CEP72: variants seen among roughly 807,000 people sequenced by gnomAD.
The protein encoded by CEP72 is centrosomal protein of 72 kDa.
Under a neutral mutation model 65.7 loss-of-function variants are expected in CEP72, and 78 were observed. The ratio of observed to expected loss-of-function variants is 1.19; its 90% CI spans 0.99 to 1.43. CEP72 has a LOEUF of 1.43. Among genes scored for constraint, CEP72 ranks in the 40% most tolerant of loss-of-function variants. CEP72 has a pLI of 0.00. For missense variants in CEP72, 914 were observed against 832.9 expected (o/e 1.10, Z -1.20); for synonymous variants, 358 against 351.7 (o/e 1.02, Z -0.20).
downstream of CEP72, among the ~76,000 whole-genome samples, chr5:669,491 C>T (rs903880359): frequency 2.6e-5 from 4 of 152,092 alleles, no homozygotes; most frequent in African/African-American, 7.3e-5. Context: ...GCCCTTGGGG[C>T]CTCTGTCTGT....
chr5:667,566 C>T (rs1051221787), downstream of CEP72, among the ~76,000 whole-genome samples: 5 of 151,954 alleles, frequency 3.3e-5, no homozygotes, highest in Non-Finnish European at 7.3e-5. Context: ...ATGAACTAGA[C>T]TTCATCAAAA....
intron 4 of CEP72, among the ~76,000 whole-genome samples, chr5:625,905 A>C (rs970057985): frequency 3.9e-5 from 6 of 152,090 alleles, no homozygotes; most frequent in Non-Finnish European, 7.4e-5. Context: ...TCCCCTTCTT[A>C]GAAGGACACC....
chr5:665,420 G>A (rs540612998), intron 3 of CEP72: 2 of 843,228 alleles, frequency 2.4e-6, no homozygotes, highest in African/African-American at 3.4e-5. Flanking sequence ...CATAAACCCT[G>A]GGATTTATGC....
chr5:670,289 C>T (rs561577180), downstream of CEP72, among the ~76,000 whole-genome samples: 2 of 152,112 alleles, frequency 1.3e-5, no homozygotes, highest in Non-Finnish European at 2.9e-5. Context: ...CTCTGAGGGG[C>T]GGGGGCCGGC....
At chr5:618,715 G>T (rs1736155639) in intron 1 of CEP72, among the ~76,000 whole-genome samples, 1 of 152,156 alleles carries the variant, frequency 6.6e-6, no homozygotes, top group Admixed American at 6.5e-5. Flanking sequence ...CAGGATTATT[G>T]CGAAAGAGAG....
chr5:633,794 A>C lies in CEP72; in HGVS notation c.538A>C (p.Thr180Pro), dbSNP rs375118383. 35 of 1,614,102 alleles carry C rather than the reference A, an allele frequency of 2.2e-5. No homozygotes were observed. The African/African-American group carries it at 4.1e-4, about 19-fold the overall frequency. The stretch of plus-strand genomic sequence containing the variant: ...ACCACACCACCCCAGAGCCAAGTGC[A>C]CCGAGGCCTTGGCCAAGCAGAGCCT... ...GRPHHPRAKC[T>P]EALAKQSLVM... The change falls in exon 5 of 12, where the codon ACC (threonine) becomes CCC (proline). Residue 180 changes from threonine (T) to proline (P), a missense_variant. Physicochemically the swap from Thr to Pro is conservative, Grantham distance 38. Coordinates refer to ENST00000264935, the MANE Select transcript of CEP72 (RefSeq NM_018140.4).
rs116454952 is a variant in CEP72 at position 651,404 on chromosome 5, G to A, written c.1779-1584G>A. On this transcript the variant is annotated intron_variant, in intron 11 of 11. Transcript: ENST00000264935. The stretch of plus-strand genomic sequence containing the variant: ...ATGTGAGGTGTGGACTGAGAGTTGT[G>A]GACTGTGAGATATGACCTGTGTGCA... Among the ~76,000 whole-genome samples the A allele has an allele frequency of 8.1e-3, 1,216 of 149,734 alleles. 14 individuals are homozygous for A. The highest frequency in any genetic ancestry group is 0.013 in the Non-Finnish European group (894 of 66,278).
chr5:642,392 C>T (rs369119408), intron 9 of CEP72: 8 of 985,464 alleles, frequency 8.1e-6, no homozygotes, highest in South Asian at 4.7e-5. Flanking sequence ...TGTGGCCCCC[C>T]GTCTGGAAGC....
chr5:621,889 GC>G (rs1167192847), intron 3 of CEP72, among the ~76,000 whole-genome samples: 1 of 152,088 alleles, frequency 6.6e-6, no homozygotes, highest in Non-Finnish European at 1.5e-5. Flanking sequence ...TACTCCTGCC[GC>G]AGCCTCCCAA....
chr5:674,834 G>A, the CEP72 span, among the ~76,000 whole-genome samples: 3 of 151,722 alleles, frequency 2.0e-5, no homozygotes, highest in Non-Finnish European at 2.9e-5. Flanking sequence ...CATAAGCCCT[G>A]TGGATGATGT....
rs1476101153 is a variant in CEP72 at position 620,277 on chromosome 5, G to C, written c.403+16G>C. 1.2e-6 allele frequency: 2 copies of C among 1,606,394 alleles called. No individual in the cohort carries two copies. Among genetic ancestry groups the C allele is most frequent in the Non-Finnish European group, 1.7e-6 (2 of 1,173,478 alleles). ...CAGCAGCTGGGTAGGCATCAGGCAG[G>C]GCCACGCTCATGCTTTTGTCCCCGT... On this transcript the variant is annotated intron_variant, in intron 3 of 11. Transcript: ENST00000264935.
At chr5:641,650 C>T (rs935778595) in intron 9 of CEP72, 4 of 984,014 alleles carry the variant, frequency 4.1e-6, no homozygotes, top group Non-Finnish European at 4.8e-6. Flanking sequence ...TGTGGGCCTC[C>T]TCCATCTGGA....
chr5:620,256 A>C lies in CEP72; in HGVS notation c.398A>C (p.Gln133Pro). 4 of 1,613,018 alleles carry C rather than the reference A, an allele frequency of 2.5e-6. 1 individual carries two copies. The highest frequency in any genetic ancestry group is 3.4e-6 in the Non-Finnish European group (4 of 1,178,992). The change falls in exon 3 of 12, where the codon CAG (glutamine) becomes CCG (proline). Residue 133 changes from glutamine (Q) to proline (P), a missense_variant. Coordinates refer to ENST00000264935, the MANE Select transcript of CEP72 (RefSeq NM_018140.4). Reference sequence around the variant, plus strand: ...GTGCACCTGCTCCCCAAGCTCCAGCAGCTGGGTAGGCATCAGGCAGGGCCA... The same window carrying C: ...GTGCACCTGCTCCCCAAGCTCCAGCCGCTGGGTAGGCATCAGGCAGGGCCA... ...FVVHLLPKLQ[Q>P]LDDRPVRASE...
rs1477891219 is a variant in CEP72, at chr5:653,352, C to CT, written c.*199_*200insT. ...CGTAAAATGATATGATTACTCCAAG[C>CT]CCTCTGCATGTTTTCAGACAGAACA... On this transcript the variant is annotated 3_prime_UTR_variant, in exon 12 of 12. Coordinates refer to ENST00000264935, the MANE Select transcript of CEP72 (RefSeq NM_018140.4). 4 of 416,762 alleles carry CT rather than the reference C, an allele frequency of 9.6e-6. No homozygotes were observed. The highest frequency in any genetic ancestry group is 1.6e-5 in the Non-Finnish European group (4 of 249,272). 25.8% of individuals were successfully genotyped at this position (416,762 alleles called of 1,614,324 possible). A position where few individuals can be genotyped will look rare whatever the true frequency, so the allele number is the denominator to read the frequency against.
At chr5:628,416 ACAG>A (rs1736899683) in intron 4 of CEP72, among the ~76,000 whole-genome samples, 1 of 133,984 alleles carries the variant, frequency 7.5e-6, no homozygotes, top group African/African-American at 3.0e-5. Context: ...AACTCAGGTC[ACAG>A]GCCCCGGGGA....
In CEP72 at chr5:624,707, A is replaced by T. The variant is rs749609729; in HGVS notation, c.512+128A>T. On this transcript the variant is annotated intron_variant, in intron 4 of 11. Transcript: ENST00000264935. This position sits in a 1 kb window ranked among gnomAD's most constrained non-coding sequence, Gnocchi z 4.7. ...GCGGACACCAGGAGGGAGGAAGGGC[A>T]GAGCCTGCCTGGCGGGGACTCCGTG... is the stretch of plus-strand genomic sequence containing the variant. The T allele has an allele frequency of 8.4e-6, 6 of 710,642 alleles. No homozygotes were observed. Among genetic ancestry groups the T allele is most frequent in the East Asian group, 2.7e-5 (1 of 37,056 alleles). The allele number at this position is 710,642 out of a possible 1,614,324, so 44.0% of individuals were successfully genotyped here. A position where few individuals can be genotyped will look rare whatever the true frequency, so the allele number is the denominator to read the frequency against.
rs373343998 is a variant in CEP72 at position 615,134 on chromosome 5, C to CTTTT, written c.82+2706_82+2709dup. Among the ~76,000 whole-genome samples, 656 of 120,296 alleles carry CTTTT rather than the reference C, an allele frequency of 5.5e-3. 25 individuals carry two copies. The highest frequency in any genetic ancestry group is 0.037 in the Admixed American group (418 of 11,158). 78.9% of individuals were successfully genotyped at this position (120,296 alleles called of 152,430 possible). ...CCCTTTTAGTATATGTAGTCTTCCTCTTTTTTTTTTTTTTTTTTGAGACAG... is the reference window on the plus strand; with the variant it reads ...CCCTTTTAGTATATGTAGTCTTCCTCTTTTTTTTTTTTTTTTTTTTTTGAGACAG... On this transcript the variant is annotated intron_variant, in intron 1 of 11. Coordinates refer to ENST00000264935, the MANE Select transcript of CEP72 (RefSeq NM_018140.4).
At chr5:674,267 G>A in the CEP72 span, among the ~76,000 whole-genome samples, 15 of 152,220 alleles carry the variant, frequency 9.9e-5, no homozygotes, top group Non-Finnish European at 1.9e-4. Context: ...GCCCGAGCCT[G>A]CTGAGGAGCA....
At chr5:660,051 C>G (rs1739516379), downstream of CEP72, 1 of 152,372 alleles carries the variant, frequency 6.6e-6, no homozygotes, top group Admixed American at 6.5e-5. Flanking sequence ...GCCACCCCAC[C>G]CCGCGGACGT....
Sources: allele counts gnomAD v4.1 joint callset (sites outside exome capture counted in the v4.1 genomes callset), GRCh38; gene constraint gnomAD v4.1.1; non-coding constraint Gnocchi (gnomAD v3.1); transcripts MANE v1.5; gene names NCBI Gene and HGNC (gene_info 2026-07-23, HGNC 2026-07-21).